The following ZNF732 variants were observed in gnomAD, a reference collection of about 807,000 sequenced individuals.
The protein encoded by ZNF732 is zinc finger protein LOC654254.
Under a neutral mutation model 11.5 loss-of-function variants are expected in ZNF732, and 12 were observed. That is an observed-to-expected ratio of 1.05 (90% CI 0.67 to 1.70). ZNF732 has a LOEUF of 1.70. Ranked by LOEUF, ZNF732 falls within the 40% of genes most tolerant of loss-of-function variation. ZNF732 has a pLI of 0.00. For missense variants in ZNF732, 702 were observed against 676.9 expected (o/e 1.04, Z -0.41); for synonymous variants, 231 against 236.5 (o/e 0.98, Z 0.21).
In ZNF732 at chr4:295,437, C is replaced by T; in HGVS notation, c.226+1G>A. On this transcript the variant is annotated splice_donor_variant, in intron 3 of 3. Coordinates refer to ENST00000419098, the MANE Select transcript of ZNF732 (RefSeq NM_001137608.3). LOFTEE classifies it high-confidence loss of function. ...CCTCTCCTTCATTCACTGTCACCTA[C>T]CTGGGTGTTTGGCTACTGTCTCATG... 6.2e-7 allele frequency: 1 copy of T among 1,601,898 alleles called. No homozygotes were observed. The highest frequency in any genetic ancestry group is 8.5e-7 in the Non-Finnish European group (1 of 1,173,748).
In ZNF732 at chr4:272,359, C is replaced by A. The variant is rs782598980; in HGVS notation, c.498G>T (p.Glu166Asp). Residue 166 changes from glutamate to aspartate, a missense_variant, in exon 4 of 4, where the codon GAG (glutamate) becomes GAT (aspartate). By Grantham distance (45) the Glu-to-Asp change is conservative. Transcript: ENST00000419098. ...SNQRRIRHTGEKHFKECGKSF... is the reference protein window; with the variant it reads ...SNQRRIRHTGDKHFKECGKSF... ...ACTTGCCACATTCTTTAAAGTGTTT[C>A]TCTCCAGTATGTCTTATCCTACGTT... 6.2e-7 allele frequency: 1 copy of A among 1,606,686 alleles called. No homozygotes were observed. The highest frequency in any genetic ancestry group is 1.1e-5 in the South Asian group (1 of 90,418).
chr4:304,088 G>A (rs1159955247), intron 1 of ZNF732, among the ~76,000 whole-genome samples: 1 of 152,142 alleles, frequency 6.6e-6, no homozygotes, highest in African/African-American at 2.4e-5. Flanking sequence ...TGAGCCAGGA[G>A]TCTTCCTGGC....
intron 3 of ZNF732, among the ~76,000 whole-genome samples, chr4:276,832 A>AC (rs145048214): frequency 0.013 from 2,026 of 151,650 alleles, 54 homozygotes; most frequent in African/African-American, 0.047. Context: ...ACCACCAAAG[A>AC]CCCCCAAATA....
chr4:299,605 T>TTATTTATATATAAATAATATATTTGTATA (rs1560165518), intron 1 of ZNF732, among the ~76,000 whole-genome samples: 1 of 127,000 alleles, frequency 7.9e-6, no homozygotes, highest in Non-Finnish European at 1.6e-5. Flanking sequence ...TATTTATAAA[T>TTATTTATATATAAATAATATATTTGTATA]TATTTATATA....
chr4:279,623 G>T (rs1719576793), intron 3 of ZNF732, among the ~76,000 whole-genome samples: 1 of 152,204 alleles, frequency 6.6e-6, no homozygotes, highest in East Asian at 1.9e-4. Context: ...TTAATCTAGA[G>T]ATCCATTTCA....
intron 1 of ZNF732, among the ~76,000 whole-genome samples, chr4:302,774 G>C (rs1281376597): frequency 6.6e-6 from 1 of 152,138 alleles, no homozygotes; most frequent in Non-Finnish European, 1.5e-5. Flanking sequence ...AAAAGTTTTC[G>C]AGACAGGAGC....
At chr4:274,498 G>T (rs1415657306) in intron 3 of ZNF732, among the ~76,000 whole-genome samples, 2 of 151,552 alleles carry the variant, frequency 1.3e-5, no homozygotes, top group Admixed American at 1.3e-4. Context: ...AAAACAATAA[G>T]ATGAGTAAGT....
At chr4:283,291 T>C (rs373235968) in intron 3 of ZNF732, among the ~76,000 whole-genome samples, 152 of 152,262 alleles carry the variant, frequency 1.0e-3, no homozygotes, top group African/African-American at 3.6e-3. Flanking sequence ...TGTAGGATAT[T>C]GTTATTGATG....
chr4:296,226 G>C, intron 1 of ZNF732, 71 bp from the exon 2 acceptor site: 1 of 1,561,690 alleles, frequency 6.4e-7, no homozygotes, highest in Non-Finnish European at 8.7e-7. Context: ...AAGAGAACTA[G>C]TTCTGACATG....
Position 295,132 on chromosome 4 carries a change from A to C in ZNF732, c.226+306T>G, listed in dbSNP as rs542186227. 8.5e-5 allele frequency among the ~76,000 whole-genome samples: 13 copies of C among 152,296 alleles called. No individual in the cohort carries two copies. The South Asian group carries it at 2.7e-3, about 32-fold the overall frequency. ...ACTGACATAGAGCTCCTCAATATAC[A>C]CATATTCCTATGTCTCCAAATGCAA... On this transcript the variant is annotated intron_variant, in intron 3 of 3. Transcript: ENST00000419098.
intron 3 of ZNF732, among the ~76,000 whole-genome samples, chr4:286,853 G>C (rs1367202100): frequency 1.3e-5 from 2 of 152,128 alleles, no homozygotes; most frequent in African/African-American, 4.8e-5. Flanking sequence ...CAGACCACAT[G>C]GAATAAAACT....
intron 1 of ZNF732, among the ~76,000 whole-genome samples, chr4:297,306 T>C (rs1719974649): frequency 6.6e-6 from 1 of 151,516 alleles, no homozygotes; most frequent in Non-Finnish European, 1.5e-5. Context: ...TGCGCCTGCA[T>C]TAATGCGGTA....
Position 272,181 on chromosome 4 carries a change from C to T in ZNF732, c.676G>A (p.Glu226Lys), listed in dbSNP as rs61730555. ...GTGGTAAAGATGTTGCCACATTCTTCACATGTGAAGGGTTTCTCTCCAGTA... is the reference window on the plus strand; with the variant it reads ...GTGGTAAAGATGTTGCCACATTCTTTACATGTGAAGGGTTTCTCTCCAGTA... ...IHTGEKPFTC[E>K]ECGNIFTTSS... is the part of the protein sequence containing the mutation. Residue 226 changes from glutamate (E) to lysine (K), a missense_variant, in exon 4 of 4, where the codon GAA becomes AAA. Physicochemically the swap from Glu to Lys is moderately conservative, Grantham distance 56. This residue lies in a region of ZNF732 where 596 missense variants were observed against 557.9 expected (regional missense o/e 1.07). Transcript: ENST00000419098. The T allele has an allele frequency of 3.3e-5, 54 of 1,613,302 alleles. No individual in the cohort carries two copies. Among genetic ancestry groups the T allele is most frequent in the Non-Finnish European group, 3.4e-6 (4 of 1,179,638 alleles).
At position 271,590 on chromosome 4, in the gene ZNF732, ACT is replaced by A. The variant is rs782505516; in HGVS notation, c.1265_1266del (p.Glu422ValfsTer13). The A allele has an allele frequency of 6.2e-7, 1 of 1,613,208 alleles. No homozygotes were observed. Among genetic ancestry groups the A allele is most frequent in the East Asian group, 2.2e-5 (1 of 44,866 alleles). On this transcript the variant is annotated frameshift_variant, in exon 4 of 4. Coordinates refer to ENST00000419098, the MANE Select transcript of ZNF732 (RefSeq NM_001137608.3). LOFTEE classifies it low-confidence loss of function (END_TRUNC). ...HTGERPHKCEECGKAFGWSTD... is the reference protein window; with the variant it reads ...HTGERPHKCEXCGKAFGWSTD... ...GTGGACCATCCAAAGGCTTTGCCAC[ACT>A]CTTCACATTTGTGGGGCCTCTCTCC...
At position 271,734 on chromosome 4, in the gene ZNF732, C is replaced by T. The variant is rs376831555; in HGVS notation, c.1123G>A (p.Ala375Thr). The change falls in exon 4 of 4, where the codon GCA becomes ACA. Residue 375 changes from alanine to threonine, a missense_variant. Coordinates refer to ENST00000419098, the MANE Select transcript of ZNF732 (RefSeq NM_001137608.3). Reference protein sequence around the residue: ...EQCGKAFRQSATLNKHKSIHT... With the variant: ...EQCGKAFRQSTTLNKHKSIHT... ...ATACTCTTATGTTTATTAAGGGTTG[C>T]GGATTGTCTAAAGGCTTTGCCACAT... is the stretch of plus-strand genomic sequence containing the variant. 1.7e-5 allele frequency: 28 copies of T among 1,600,244 alleles called. No individual in the cohort carries two copies. Among genetic ancestry groups the T allele is most frequent in the Non-Finnish European group, 2.2e-5 (26 of 1,174,048 alleles).
At position 296,170 on chromosome 4, in the gene ZNF732, G is replaced by T. The variant is rs1553842270; in HGVS notation, c.4-15C>A. On this transcript the variant is annotated splice_polypyrimidine_tract_variant and intron_variant, in intron 1 of 3. Coordinates refer to ENST00000419098, the MANE Select transcript of ZNF732 (RefSeq NM_001137608.3). Reference sequence around the variant, plus strand: ...GTTAAGAGTTCCTGAAAATATATATGTATCAAGTGACAGAGTTCTTAATTT... The same window carrying T: ...GTTAAGAGTTCCTGAAAATATATATTTATCAAGTGACAGAGTTCTTAATTT... 1 of 1,607,940 alleles carries T rather than the reference G, an allele frequency of 6.2e-7. No homozygotes were observed. The highest frequency in any genetic ancestry group is 8.5e-7 in the Non-Finnish European group (1 of 1,178,700).
intron 1 of ZNF732, among the ~76,000 whole-genome samples, chr4:298,679 G>A (rs1249858782): frequency 6.6e-6 from 1 of 152,114 alleles, no homozygotes; most frequent in Non-Finnish European, 1.5e-5. Flanking sequence ...CTCAATTAGT[G>A]GGATGCAAAC....
rs1327441469 is a variant in ZNF732, at chr4:299,412, TATACAC to T, written c.4-3263_4-3258del. Among the ~76,000 whole-genome samples, 18 of 94,814 alleles carry T rather than the reference TATACAC, an allele frequency of 1.9e-4. 1 individual carries two copies. Among genetic ancestry groups the T allele is most frequent in the East Asian group, 9.4e-4 (3 of 3,198 alleles). The allele number at this position is 94,814 out of a possible 152,430, so 62.2% of individuals were successfully genotyped here. A position where few individuals can be genotyped will look rare whatever the true frequency, so the allele number is the denominator to read the frequency against. Reference sequence around the variant, plus strand: ...ATATGTACACATATGTGTATATATATATACACATATATACACATATGTGTATATATA... The same window carrying T: ...ATATGTACACATATGTGTATATATATATATATACACATATGTGTATATATA... On this transcript the variant is annotated intron_variant, in intron 1 of 3. Coordinates refer to ENST00000419098, the MANE Select transcript of ZNF732 (RefSeq NM_001137608.3).
At position 270,871 on chromosome 4, in the gene ZNF732, A is replaced by G. The variant is rs1358648024; in HGVS notation, c.*228T>C. On this transcript the variant is annotated 3_prime_UTR_variant, in exon 4 of 4. Transcript: ENST00000419098. ...TTTGTAGGGTTGCTCTCCAGCATCAATTTTCTTATGTTGATTCAGGTATGC... is the reference window on the plus strand; with the variant it reads ...TTTGTAGGGTTGCTCTCCAGCATCAGTTTTCTTATGTTGATTCAGGTATGC... 8 of 713,046 alleles carry G rather than the reference A, an allele frequency of 1.1e-5. No individual in the cohort carries two copies. The highest frequency in any genetic ancestry group is 3.9e-5 in the Admixed American group (2 of 50,848). 44.2% of individuals were successfully genotyped at this position (713,046 alleles called of 1,614,324 possible).
Sources: gnomAD v4.1 joint callset for allele counts (sites outside exome capture counted in the v4.1 genomes callset) on GRCh38, gnomAD v4.1.1 for gene constraint, gnomAD v4.1.1 regional missense constraint, MANE v1.5 for transcripts, NCBI Gene and HGNC (gene_info 2026-07-23, HGNC 2026-07-21) for gene names.